The following RASGRP1 variants were observed in gnomAD, a reference collection of about 807,000 sequenced individuals.
RASGRP1 encodes the protein RAS guanyl releasing protein 1.
RASGRP1 carries 37 observed loss-of-function variants against 95.1 expected under a neutral mutation model. The ratio of observed to expected loss-of-function variants is 0.39; its 90% CI spans 0.30 to 0.51. The LOEUF (loss-of-function observed/expected upper bound fraction) is 0.51, where lower values mean the gene tolerates loss of function less well. Among genes scored for constraint, RASGRP1 ranks in the 20% least tolerant of loss-of-function variants. The pLI is 0.80. For missense variants in RASGRP1, 711 were observed against 965.4 expected, an observed-to-expected ratio of 0.74 and a Z score of 3.49; for synonymous variants, 325 against 353.4, an observed-to-expected ratio of 0.92 and a Z score of 0.90.
intron 6 of RASGRP1, among the ~76,000 whole-genome samples, chr15:38,515,784 C>G (rs1471513613): frequency 6.6e-6 from 1 of 150,802 alleles, no homozygotes. Context: ...CCGCACCCCC[C>G]CCCCTTTTTT....
At chr15:38,503,222 CTG>C (rs775479196) in intron 11 of RASGRP1, 48 bp downstream of exon 11, 25 of 1,451,278 alleles carry the variant, frequency 1.7e-5, no homozygotes, top group Middle Eastern at 3.4e-4. Context: ...ACATACAAAA[CTG>C]AGCCAGGCAA....
intron 2 of RASGRP1, among the ~76,000 whole-genome samples, chr15:38,543,229 C>G (rs986192306): frequency 1.3e-5 from 2 of 152,022 alleles, no homozygotes; most frequent in African/African-American, 2.4e-5. Flanking sequence ...TGGTGTGAGA[C>G]ACAGGTCACA....
At chr15:38,496,596 T>G (rs1213530925) in intron 15 of RASGRP1, among the ~76,000 whole-genome samples, 1 of 152,222 alleles carries the variant, frequency 6.6e-6, no homozygotes, top group Non-Finnish European at 1.5e-5. Flanking sequence ...CACAATGGTG[T>G]TTGTGATTTC....
intron 8 of RASGRP1, 93 bp from the exon 9 acceptor site, chr15:38,508,094 T>G (rs1226319629): frequency 7.2e-7 from 1 of 1,382,466 alleles, no homozygotes; most frequent in East Asian, 2.5e-5. Flanking sequence ...TGTGCCATGA[T>G]CTCACCCCAT....
intron 2 of RASGRP1, among the ~76,000 whole-genome samples, chr15:38,550,142 C>T (rs1331550751): frequency 4.7e-5 from 7 of 147,874 alleles, no homozygotes; most frequent in South Asian, 2.2e-4. Flanking sequence ...CCCAGCTACT[C>T]GGGTGGCTGA....
At chr15:38,522,251 G>T (rs932369600) in intron 3 of RASGRP1, among the ~76,000 whole-genome samples, 4 of 152,086 alleles carry the variant, frequency 2.6e-5, no homozygotes, top group African/African-American at 9.7e-5. Context: ...TTCTTAATTT[G>T]TAATTCAATC....
rs757793399 is a variant in RASGRP1, at chr15:38,516,290, T to C, written c.582A>G (p.Lys194=). 6 of 1,606,532 alleles carry C rather than the reference T, an allele frequency of 3.7e-6. No individual in the cohort carries two copies. In the East Asian group the frequency reaches 8.9e-5, roughly 24 times the overall value. ...TQRIKSNTSK[K]RKVSLLFDHL... ...GGTCAAAGAGCAGGGAGACTTTCCGTTTCTTGCTGGTATTTGATTTTATCC... is the reference window on the plus strand; with the variant it reads ...GGTCAAAGAGCAGGGAGACTTTCCGCTTCTTGCTGGTATTTGATTTTATCC... The change falls in exon 6 of 17, where the codon AAA becomes AAG. Residue 194 remains lysine, a synonymous_variant. Coordinates refer to ENST00000310803, the MANE Select transcript of RASGRP1 (RefSeq NM_005739.4).
chr15:38,557,627 G>GTATATA (rs1161829712), intron 2 of RASGRP1, among the ~76,000 whole-genome samples: 1 of 147,952 alleles, frequency 6.8e-6, no homozygotes, highest in African/African-American at 2.6e-5. Context: ...GTGTGTGTGT[G>GTATATA]TGTATATATA....
At chr15:38,520,296 C>T (rs974289677) in intron 3 of RASGRP1, among the ~76,000 whole-genome samples, 3 of 152,110 alleles carry the variant, frequency 2.0e-5, no homozygotes, top group Non-Finnish European at 4.4e-5. Context: ...TCCAGCTGGG[C>T]CCATGAGAGG....
At chr15:38,524,903 G>T (rs989522634) in intron 3 of RASGRP1, among the ~76,000 whole-genome samples, 2 of 151,588 alleles carry the variant, frequency 1.3e-5, no homozygotes, top group Admixed American at 1.3e-4. Context: ...GGGAGGGGGG[G>T]TCTGCCCCAA....
intron 2 of RASGRP1, among the ~76,000 whole-genome samples, chr15:38,555,429 A>AGAAGAGT (rs1334569972): frequency 2.6e-5 from 4 of 152,202 alleles, no homozygotes; most frequent in Admixed American, 6.5e-5. Context: ...CCAGGATTGC[A>AGAAGAGT]GAAGAGTGGG....
intron 2 of RASGRP1, among the ~76,000 whole-genome samples, chr15:38,533,314 A>T (rs1425676448): frequency 6.6e-6 from 1 of 152,224 alleles, no homozygotes; most frequent in Non-Finnish European, 1.5e-5. Flanking sequence ...AATGGAGGTC[A>T]GTATCTCCAG....
At chr15:38,559,677 G>A (rs1893726052) in intron 2 of RASGRP1, 144 bp downstream of exon 2, 1 of 836,224 alleles carries the variant, frequency 1.2e-6, no homozygotes, top group Admixed American at 2.8e-5. Flanking sequence ...CATAGGCTCT[G>A]CAGACTGTCT....
Position 38,490,641 on chromosome 15 carries a change from C to T in RASGRP1, c.2307G>A (p.Leu769=). Residue 769 remains leucine (L), a synonymous_variant, in exon 17 of 17, where the codon CTG becomes CTA. Transcript: ENST00000310803. ...KADNDALKIQ[L]KYAQKKIESL... is the part of the protein sequence containing the mutation. ...ATTCTATTTTCTTCTGTGCATATTT[C>T]AGTTGGATCTTTAGGGCATCATTAT... 1 of 1,612,782 alleles carries T rather than the reference C, an allele frequency of 6.2e-7. No homozygotes were observed. Among genetic ancestry groups the T allele is most frequent in the Non-Finnish European group, 8.5e-7 (1 of 1,179,112 alleles).
At chr15:38,524,917 G>A (rs370876976) in intron 3 of RASGRP1, among the ~76,000 whole-genome samples, 2 of 151,872 alleles carry the variant, frequency 1.3e-5, no homozygotes, top group Admixed American at 6.6e-5. Context: ...GCCCCAATAT[G>A]TAGGCAGCCA....
At chr15:38,519,424 T>A (rs1022850102) in intron 3 of RASGRP1, 53 bp from the exon 4 acceptor site, 10 of 1,312,410 alleles carry the variant, frequency 7.6e-6, no homozygotes, top group Middle Eastern at 1.9e-4. Context: ...ACCAAACGAC[T>A]TTTCATCTTT....
At chr15:38,528,915 T>A (rs960664930) in intron 2 of RASGRP1, among the ~76,000 whole-genome samples, 1 of 152,062 alleles carries the variant, frequency 6.6e-6, no homozygotes, top group Non-Finnish European at 1.5e-5. Context: ...ACTCCTGATC[T>A]CTCCCTCCCC....
In RASGRP1 at chr15:38,558,061, T is replaced by C. The variant is rs11631591; in HGVS notation, c.220+1760A>G. Reference sequence around the variant, plus strand: ...AGGAAGGAAGGTGGTGTGATAAACATGTTTCTCGTCCCTCTTTTTTCAATA... The same window carrying C: ...AGGAAGGAAGGTGGTGTGATAAACACGTTTCTCGTCCCTCTTTTTTCAATA... On this transcript the variant is annotated intron_variant, in intron 2 of 16. Transcript: ENST00000310803. Among the ~76,000 whole-genome samples the C allele has an allele frequency of 0.41, 62,327 of 151,962 alleles. 15,171 individuals carry two copies. The highest frequency in any genetic ancestry group is 0.67 in the African/African-American group (27,890 of 41,394).
intron 5 of RASGRP1, among the ~76,000 whole-genome samples, chr15:38,518,030 ATTTC>A (rs1566921733): frequency 6.6e-6 from 1 of 152,026 alleles, no homozygotes; most frequent in Non-Finnish European, 1.5e-5. Flanking sequence ...TTGCTACCTG[ATTTC>A]TTTTTGACTG....
Sources: gnomAD v4.1 joint callset for allele counts (sites outside exome capture counted in the v4.1 genomes callset) on GRCh38, gnomAD v4.1.1 for gene constraint, MANE v1.5 for transcripts, NCBI Gene and HGNC (gene_info 2026-07-23, HGNC 2026-07-21) for gene names.